MCF2L2: variants seen among roughly 807,000 people sequenced by gnomAD.
MCF2L2 encodes MCF.2 cell line derived transforming sequence-like 2.
A neutral mutation model predicts 150.2 loss-of-function variants in MCF2L2; 102 were observed. That is an observed-to-expected ratio of 0.68 (90% CI 0.58 to 0.80). The LOEUF (loss-of-function observed/expected upper bound fraction) is 0.80. MCF2L2 is among the 30% of genes least tolerant of loss of function. MCF2L2 has a pLI of 0.00. For missense variants in MCF2L2, 1,256 were observed against 1,372.8 expected, an observed-to-expected ratio of 0.91 and a Z score of 1.34; for synonymous variants, 465 against 491.3, an observed-to-expected ratio of 0.95 and a Z score of 0.71.
At chr3:183,296,762 T>A in intron 12 of MCF2L2, 1 of 536,596 alleles carries the variant, frequency 1.9e-6, no homozygotes, top group Non-Finnish European at 3.4e-6. Context: ...TAAGCATTAA[T>A]AGAGAAATGA....
intron 27 of MCF2L2, among the ~76,000 whole-genome samples, chr3:183,187,211 A>C (rs1721728830): frequency 6.6e-6 from 1 of 152,144 alleles, no homozygotes; most frequent in Non-Finnish European, 1.5e-5. Flanking sequence ...GCAAAGAAAC[A>C]ACCATGACGT....
At chr3:183,341,878 C>T (rs1300917190) in intron 3 of MCF2L2, among the ~76,000 whole-genome samples, 2 of 152,232 alleles carry the variant, frequency 1.3e-5, no homozygotes, top group African/African-American at 2.4e-5. Flanking sequence ...CAAAGGAACA[C>T]GTGTTCAAGC....
intron 3 of MCF2L2, among the ~76,000 whole-genome samples, chr3:183,351,575 A>G (rs1421801397): frequency 6.6e-6 from 1 of 152,108 alleles, no homozygotes; most frequent in Non-Finnish European, 1.5e-5. Flanking sequence ...ACTCTGATTC[A>G]AATACCTAAT....
At chr3:183,402,347 G>A (rs933284652) in intron 1 of MCF2L2, among the ~76,000 whole-genome samples, 2 of 151,292 alleles carry the variant, frequency 1.3e-5, no homozygotes, top group African/African-American at 2.4e-5. Context: ...CCAGCTACTC[G>A]GGAGGTTGAG....
At chr3:183,182,257 C>T (rs1721552277) in intron 27 of MCF2L2, among the ~76,000 whole-genome samples, 1 of 152,118 alleles carries the variant, frequency 6.6e-6, no homozygotes, top group Non-Finnish European at 1.5e-5. Context: ...TCAGCGCAGG[C>T]CCTGACAACG....
chr3:183,320,094 CTTTTTTT>C (rs568657208), intron 6 of MCF2L2, among the ~76,000 whole-genome samples: 1 of 134,662 alleles, frequency 7.4e-6, no homozygotes, highest in Non-Finnish European at 1.6e-5. Flanking sequence ...TTTTTCTTTT[CTTTTTTT>C]TTTTTTTTTG....
intron 27 of MCF2L2, among the ~76,000 whole-genome samples, chr3:183,185,080 G>A (rs1481397237): frequency 6.6e-6 from 1 of 152,162 alleles, no homozygotes; most frequent in Non-Finnish European, 1.5e-5. Context: ...ACCATGCCCA[G>A]CTAATTTTTT....
Position 183,179,298 on chromosome 3 carries a change from G to A in MCF2L2, c.*82C>T, listed in dbSNP as rs565148013. 2 of 1,367,422 alleles carry A rather than the reference G, an allele frequency of 1.5e-6. No homozygotes were observed. Among genetic ancestry groups the A allele is most frequent in the African/African-American group, 3.1e-5 (2 of 65,080 alleles). 84.7% of individuals were successfully genotyped at this position (1,367,422 alleles called of 1,614,324 possible). ...GGCTCCGGCTGCTTTCTGCGTAGCTGGGCAGGGCCCGGGCCCCCACACCGC... is the reference window on the plus strand; with the variant it reads ...GGCTCCGGCTGCTTTCTGCGTAGCTAGGCAGGGCCCGGGCCCCCACACCGC... On this transcript the variant is annotated 3_prime_UTR_variant, in exon 30 of 30. Coordinates refer to ENST00000328913, the MANE Select transcript of MCF2L2 (RefSeq NM_015078.4). This position sits in a 1 kb window ranked among gnomAD's most constrained non-coding sequence, Gnocchi z 4.2.
intron 3 of MCF2L2, among the ~76,000 whole-genome samples, chr3:183,362,798 T>C (rs1712293599): frequency 6.6e-6 from 1 of 152,162 alleles, no homozygotes. Flanking sequence ...AGTAGTCATC[T>C]ACATAAAGCT....
chr3:183,321,539 G>A (rs1294260597), intron 6 of MCF2L2, among the ~76,000 whole-genome samples: 1 of 152,044 alleles, frequency 6.6e-6, no homozygotes, highest in Non-Finnish European at 1.5e-5. Context: ...AGAGAGGCAC[G>A]AAGTGAGCAC....
chr3:183,313,008 T>C (rs1002047307), intron 7 of MCF2L2, among the ~76,000 whole-genome samples: 14 of 152,234 alleles, frequency 9.2e-5, no homozygotes, highest in Non-Finnish European at 1.8e-4. Context: ...CATTCTCATG[T>C]GTCAGCCCTC....
chr3:183,394,226 C>A (rs1455789635), intron 1 of MCF2L2, among the ~76,000 whole-genome samples: 1 of 152,172 alleles, frequency 6.6e-6, no homozygotes, highest in East Asian at 1.9e-4. Flanking sequence ...AAGCCATGAA[C>A]CAGGATCTCT....
At chr3:183,210,944 G>A (rs1223387216) in intron 22 of MCF2L2, among the ~76,000 whole-genome samples, 2 of 152,132 alleles carry the variant, frequency 1.3e-5, no homozygotes, top group African/African-American at 4.8e-5. Flanking sequence ...GTTGGGGGTT[G>A]GCAATGTGAT....
At chr3:183,345,831 A>G (rs1013544478) in intron 3 of MCF2L2, among the ~76,000 whole-genome samples, 2 of 152,226 alleles carry the variant, frequency 1.3e-5, no homozygotes, top group Non-Finnish European at 2.9e-5. Context: ...AGAAACGGAT[A>G]AATTCCTGCA....
At chr3:183,238,619 C>G (rs1576948338) in intron 15 of MCF2L2, among the ~76,000 whole-genome samples, 2 of 151,196 alleles carry the variant, frequency 1.3e-5, no homozygotes, top group African/African-American at 4.8e-5. Context: ...ATGTGTGGCC[C>G]AAGACAATTC....
At chr3:183,254,989 T>C (rs980363206) in intron 15 of MCF2L2, among the ~76,000 whole-genome samples, 3 of 152,158 alleles carry the variant, frequency 2.0e-5, no homozygotes, top group Non-Finnish European at 2.9e-5. Context: ...TCTTGGCCGG[T>C]GTTGGTTTTC....
intron 1 of MCF2L2, among the ~76,000 whole-genome samples, chr3:183,404,044 G>T (rs1714911794): frequency 6.6e-6 from 1 of 151,950 alleles, no homozygotes; most frequent in South Asian, 2.1e-4. Context: ...AACCTTTTAT[G>T]TTAAAAGACA....
chr3:183,206,338 T>TTTGCTTTCCTC (rs1722472654), intron 23 of MCF2L2, 124 bp from the exon 24 acceptor site: 3 of 736,062 alleles, frequency 4.1e-6, no homozygotes, highest in Non-Finnish European at 7.0e-6. Flanking sequence ...CTTTCAAGTT[T>TTTGCTTTCCTC]TTGCTTTCCT....
intron 27 of MCF2L2, chr3:183,180,433 T>A: frequency 2.5e-6 from 1 of 403,940 alleles, no homozygotes; most frequent in Non-Finnish European, 4.4e-6. Flanking sequence ...ACAGTCATTG[T>A]TTTTTGTGTT....
Sources: allele counts gnomAD v4.1 joint callset (sites outside exome capture counted in the v4.1 genomes callset), GRCh38; gene constraint gnomAD v4.1.1; non-coding constraint Gnocchi (gnomAD v3.1); transcripts MANE v1.5; gene names NCBI Gene and HGNC (gene_info 2026-07-23, HGNC 2026-07-21).